Variants in KCNJ1 observed in about 807,000 individuals in gnomAD.
KCNJ1 encodes potassium inwardly rectifying channel subfamily J member 1, also known as ATP-sensitive inward rectifier potassium channel 1.
Under a neutral mutation model 21.9 loss-of-function variants are expected in KCNJ1, and 24 were observed. That is an observed-to-expected ratio of 1.10 (90% CI 0.79 to 1.54). The LOEUF (loss-of-function observed/expected upper bound fraction) is 1.54. Among genes scored for constraint, KCNJ1 ranks in the 40% most tolerant of loss-of-function variants. The probability of loss-of-function intolerance (pLI) is 0.00; values close to 1 mark genes in which losing one functional copy is unlikely to be tolerated. For synonymous variants in KCNJ1, 152 were observed against 160.9 expected (o/e 0.94, Z 0.42); for missense variants, 457 against 455.4 (o/e 1.00, Z -0.03).
intron 2 of KCNJ1, among the ~76,000 whole-genome samples, chr11:128,847,009 C>A (rs985304525): frequency 6.6e-6 from 1 of 152,172 alleles, no homozygotes; most frequent in Non-Finnish European, 1.5e-5. Flanking sequence ...AATATCCCCC[C>A]ATCCTGATGA....
chr11:128,862,906 A>G (rs1017705707), intron 1 of KCNJ1, among the ~76,000 whole-genome samples: 1 of 152,136 alleles, frequency 6.6e-6, no homozygotes, highest in African/African-American at 2.4e-5. Context: ...TGAATATCTC[A>G]TCACTGGACT....
chr11:128,864,235 T>C (rs1046215183), intron 1 of KCNJ1, among the ~76,000 whole-genome samples: 11 of 151,846 alleles, frequency 7.2e-5, no homozygotes, highest in African/African-American at 2.7e-4. Context: ...TACAGGTGTG[T>C]GCCACCATGC....
Position 128,839,050 on chromosome 11 carries a change from T to C in KCNJ1, c.*75A>G, listed in dbSNP as rs1943218669. ...TCATCCTACTTTCGTACCCCTAAATTGTTGACTGCTTCATAATGCTTCTAG... is the reference window on the plus strand; with the variant it reads ...TCATCCTACTTTCGTACCCCTAAATCGTTGACTGCTTCATAATGCTTCTAG... On this transcript the variant is annotated 3_prime_UTR_variant, in exon 3 of 3. Coordinates refer to ENST00000392666, the MANE Select transcript of KCNJ1 (RefSeq NM_153766.3). 3.6e-6 allele frequency: 5 copies of C among 1,377,620 alleles called. No homozygotes were observed. The highest frequency in any genetic ancestry group is 5.1e-6 in the Non-Finnish European group (5 of 980,452). 85.3% of individuals were successfully genotyped at this position (1,377,620 alleles called of 1,614,324 possible).
At chr11:128,841,159 C>T (rs1006732529) in intron 2 of KCNJ1, among the ~76,000 whole-genome samples, 2 of 152,136 alleles carry the variant, frequency 1.3e-5, no homozygotes, top group Non-Finnish European at 2.9e-5. Context: ...CCAAGATTCC[C>T]AAAAGGAATA....
chr11:128,844,248 A>G (rs1943340761), intron 2 of KCNJ1, among the ~76,000 whole-genome samples: 1 of 152,218 alleles, frequency 6.6e-6, no homozygotes, highest in Non-Finnish European at 1.5e-5. Context: ...CCAAGGAAAG[A>G]AAACATGGGG....
chr11:128,850,255 T>C (rs1323870926), intron 2 of KCNJ1, among the ~76,000 whole-genome samples: 1 of 152,136 alleles, frequency 6.6e-6, no homozygotes, highest in African/African-American at 2.4e-5. Context: ...TAAATGTCAG[T>C]TTCTCAAAGA....
chr11:128,865,766 C>T (rs565776386), intron 1 of KCNJ1, among the ~76,000 whole-genome samples: 208 of 152,254 alleles, frequency 1.4e-3, no homozygotes, highest in Middle Eastern at 6.8e-3. Flanking sequence ...CACAGAAAAA[C>T]ACATTACTGA....
At chr11:128,852,075 C>T (rs1024521707) in intron 1 of KCNJ1, among the ~76,000 whole-genome samples, 2 of 152,206 alleles carry the variant, frequency 1.3e-5, no homozygotes, top group African/African-American at 4.8e-5. Flanking sequence ...CACTTACTAG[C>T]TCTAACATTG....
intron 2 of KCNJ1, among the ~76,000 whole-genome samples, chr11:128,841,850 C>T (rs1214457721): frequency 6.6e-6 from 1 of 152,210 alleles, no homozygotes; most frequent in South Asian, 2.1e-4. Context: ...AGAGAATAAA[C>T]AGCAATGCAC....
Position 128,839,541 on chromosome 11 carries a change from C to G in KCNJ1, c.703G>C (p.Asp235His), listed in dbSNP as rs1439509046. 6.8e-6 allele frequency: 11 copies of G among 1,614,068 alleles called. No individual in the cohort carries two copies. The highest frequency in any genetic ancestry group is 8.5e-6 in the Non-Finnish European group (10 of 1,180,032). Reference protein sequence around the residue: ...LDQININFVVDAGNENLFFIS... With the variant: ...LDQININFVVHAGNENLFFIS... Reference sequence around the variant, plus strand: ...AAGAATAAATTTTCATTCCCAGCGTCAACTACAAAGTTGATATTGATCTGG... The same window carrying G: ...AAGAATAAATTTTCATTCCCAGCGTGAACTACAAAGTTGATATTGATCTGG... The change falls in exon 3 of 3, where the codon GAC becomes CAC. Residue 235 changes from aspartate to histidine, a missense_variant. Physicochemically the swap from Asp to His is moderately conservative, Grantham distance 81. Coordinates refer to ENST00000392666, the MANE Select transcript of KCNJ1 (RefSeq NM_153766.3).
intron 2 of KCNJ1, among the ~76,000 whole-genome samples, chr11:128,848,834 G>A (rs1366157790): frequency 2.0e-5 from 3 of 152,224 alleles, no homozygotes; most frequent in African/African-American, 4.8e-5. Context: ...AGCCAGGGTT[G>A]AGAAGGTAAA....
intron 1 of KCNJ1, among the ~76,000 whole-genome samples, chr11:128,862,523 T>G (rs1402190295): frequency 6.6e-6 from 1 of 152,158 alleles, no homozygotes; most frequent in African/African-American, 2.4e-5. Flanking sequence ...GGGGCTGCCC[T>G]AGAAGCAGAC....
chr11:128,860,016 C>T (rs1591421163), intron 1 of KCNJ1, among the ~76,000 whole-genome samples: 1 of 148,028 alleles, frequency 6.8e-6, no homozygotes, highest in East Asian at 2.1e-4. Flanking sequence ...CGCTTACCAG[C>T]AGCAGCAGCG....
At position 128,840,550 on chromosome 11, in the gene KCNJ1, T is replaced by C. The variant is rs637992; in HGVS notation, c.-21-286A>G. 0.32 allele frequency among the ~76,000 whole-genome samples: 48,324 copies of C among 152,034 alleles called. 8,476 individuals are homozygous for C. Among genetic ancestry groups the C allele is most frequent in the African/African-American group, 0.47 (19,353 of 41,432 alleles). On this transcript the variant is annotated intron_variant, in intron 2 of 2. Coordinates refer to ENST00000392666, the MANE Select transcript of KCNJ1 (RefSeq NM_153766.3). ...ATATTCAAGTGTTTCCTGACCTCAATTAGTCTCACACAACCTTAAATATGT... is the reference window on the plus strand; with the variant it reads ...ATATTCAAGTGTTTCCTGACCTCAACTAGTCTCACACAACCTTAAATATGT...
chr11:128,844,855 A>G (rs1284038244), intron 2 of KCNJ1, among the ~76,000 whole-genome samples: 1 of 152,190 alleles, frequency 6.6e-6, no homozygotes, highest in East Asian at 1.9e-4. Flanking sequence ...GAAAAAAAAA[A>G]AACACTTATT....
chr11:128,842,587 A>G, intron 2 of KCNJ1: 13 of 1,426,808 alleles, frequency 9.1e-6, no homozygotes, highest in Non-Finnish European at 1.2e-5. Context: ...AAACCAAGGC[A>G]ATTGGTTGTT....
chr11:128,857,468 T>A (rs752454156), intron 1 of KCNJ1, among the ~76,000 whole-genome samples: 16 of 152,200 alleles, frequency 1.1e-4, no homozygotes, highest in Non-Finnish European at 2.2e-4. Context: ...CAGTAGAGAC[T>A]CTAAAAATCT....
rs556256412 is a variant in KCNJ1, at chr11:128,845,906, C to T, written c.-22+4815G>A. ...ACAGCAAGGGCCTTCCTAGGTGCCT[C>T]CCTCCTTCCAGAGAAGAGAGCTTGG... On this transcript the variant is annotated intron_variant, in intron 2 of 2. Transcript: ENST00000392666. Among the ~76,000 whole-genome samples, 16 of 152,290 alleles carry T rather than the reference C, an allele frequency of 1.1e-4. No individual in the cohort carries two copies. The South Asian group carries it at 2.1e-3, about 20-fold the overall frequency.
intron 2 of KCNJ1, 94 bp from the exon 3 acceptor site, chr11:128,840,358 A>G (rs1467079943): frequency 8.4e-7 from 1 of 1,186,916 alleles, no homozygotes; most frequent in East Asian, 2.5e-5. Flanking sequence ...CGAAAAGATC[A>G]TTCAAAATTA....
Sources: gnomAD v4.1 joint callset for allele counts (sites outside exome capture counted in the v4.1 genomes callset) on GRCh38, gnomAD v4.1.1 for gene constraint, MANE v1.5 for transcripts, NCBI Gene and HGNC (gene_info 2026-07-23, HGNC 2026-07-21) for gene names.